The following PTPRD variants were observed in gnomAD, a reference collection of about 807,000 sequenced individuals.
PTPRD encodes the protein protein tyrosine phosphatase receptor type D, also known as receptor-type tyrosine-protein phosphatase delta.
PTPRD carries 34 observed loss-of-function variants against 214.5 expected under a neutral mutation model. The observed-to-expected ratio is 0.16, with a 90% CI of 0.12 to 0.21. The LOEUF (loss-of-function observed/expected upper bound fraction) is 0.21. PTPRD is among the 10% of genes least tolerant of loss of function. The pLI, the probability that PTPRD is intolerant of heterozygous loss-of-function variation, is 1.00. For synonymous variants in PTPRD, 1,128 were observed against 845.7 expected, an observed-to-expected ratio of 1.33 and a Z score of -5.79; for missense variants, 2,545 against 2,398.7, an observed-to-expected ratio of 1.06 and a Z score of -1.27.
At chr9:10,335,289 A>C (rs1308088239) in intron 3 of PTPRD, among the ~76,000 whole-genome samples, 2 of 151,778 alleles carry the variant, frequency 1.3e-5, no homozygotes, top group Non-Finnish European at 2.9e-5. Context: ...TCACATAAAC[A>C]TAGTCAACTG....
chr9:10,196,817 G>A lies in PTPRD; in HGVS notation c.-545+144146C>T, dbSNP rs2099400195. 1.4e-5 allele frequency among the ~76,000 whole-genome samples: 2 copies of A among 140,616 alleles called. 1 individual carries two copies. Among genetic ancestry groups the A allele is most frequent in the African/African-American group, 5.6e-5 (2 of 36,014 alleles). The allele number at this position is 140,616 out of a possible 152,430, so 92.2% of individuals were successfully genotyped here. A position where few individuals can be genotyped will look rare whatever the true frequency, so the allele number is the denominator to read the frequency against. On this transcript the variant is annotated intron_variant, in intron 3 of 45. Coordinates refer to ENST00000381196, the MANE Select transcript of PTPRD (RefSeq NM_002839.4). ...TGTAAAGTGATAGTGTTCAGAAGTG[G>A]GGCTCTTAGGAAGTGATTAGGCCAC...
Position 9,127,440 on chromosome 9 carries a change from T to A in PTPRD, c.-143+55864A>T, listed in dbSNP as rs548804826. Among the ~76,000 whole-genome samples, 7 of 152,304 alleles carry A rather than the reference T, an allele frequency of 4.6e-5. No homozygotes were observed. The East Asian group carries it at 1.2e-3, about 25-fold the overall frequency. On this transcript the variant is annotated intron_variant, in intron 10 of 45. Transcript: ENST00000381196. The stretch of plus-strand genomic sequence containing the variant: ...AAGAGAAATGAATTGATATAAAATA[T>A]ACTGGGAAGCTATAACTGACAAGAC...
intron 35 of PTPRD, among the ~76,000 whole-genome samples, chr9:8,434,513 G>T (rs764454619): frequency 2.0e-5 from 3 of 152,104 alleles, no homozygotes; most frequent in Non-Finnish European, 4.4e-5. Flanking sequence ...GTCATCAAGT[G>T]GTGCATGACT....
At chr9:9,365,615 T>A (rs935817987) in intron 9 of PTPRD, among the ~76,000 whole-genome samples, 1 of 151,534 alleles carries the variant, frequency 6.6e-6, no homozygotes, top group Non-Finnish European at 1.5e-5. Context: ...AAATACATTA[T>A]AATCAAAAGC....
intron 11 of PTPRD, among the ~76,000 whole-genome samples, chr9:8,904,419 T>A (rs2098693293): frequency 6.6e-6 from 1 of 152,164 alleles, no homozygotes; most frequent in Non-Finnish European, 1.5e-5. Context: ...TGCCTTTAAT[T>A]CAAGCATTTT....
rs1441782252 is a variant in PTPRD, at chr9:10,097,774, T to C, written c.-544-63984A>G. Among the ~76,000 whole-genome samples the C allele has an allele frequency of 2.6e-5, 4 of 151,942 alleles. No homozygotes were observed. The South Asian group carries it at 8.3e-4, about 31-fold the overall frequency. ...GCCCTGGCCAGAACTTCCAACACTA[T>C]GTTGAATAGGAGTGGTGAGAGAGGG... On this transcript the variant is annotated intron_variant, in intron 3 of 45. Coordinates refer to ENST00000381196, the MANE Select transcript of PTPRD (RefSeq NM_002839.4).
At chr9:8,330,402 T>C (rs1308783600) in intron 44 of PTPRD, among the ~76,000 whole-genome samples, 2 of 152,184 alleles carry the variant, frequency 1.3e-5, no homozygotes, top group African/African-American at 4.8e-5. Flanking sequence ...TAAACACAAC[T>C]TTTATATGCA....
rs2094299456 is a variant in PTPRD at position 9,467,615 on chromosome 9, A to G, written c.-236-70133T>C. On this transcript the variant is annotated intron_variant, in intron 8 of 45. Coordinates refer to ENST00000381196, the MANE Select transcript of PTPRD (RefSeq NM_002839.4). ...AAAAAAAAAAAAAAAAAAAAAGTTG[A>G]GCAGAAATGACCGCATCTCTTATCT... Among the ~76,000 whole-genome samples the G allele has an allele frequency of 2.8e-5, 4 of 145,204 alleles. No homozygotes were observed. The South Asian group carries it at 8.7e-4, about 31-fold the overall frequency.
chr9:8,775,275 C>T (rs111576430), intron 11 of PTPRD, among the ~76,000 whole-genome samples: 2 of 152,282 alleles, frequency 1.3e-5, no homozygotes, highest in East Asian at 3.9e-4. Flanking sequence ...TGTTTACTTT[C>T]TCAGCAAGAA....
At chr9:9,562,331 C>G (rs1204944428) in intron 8 of PTPRD, among the ~76,000 whole-genome samples, 2 of 152,176 alleles carry the variant, frequency 1.3e-5, no homozygotes, top group Non-Finnish European at 2.9e-5. Context: ...TCCTCTGCCA[C>G]TATTCTGGAT....
intron 2 of PTPRD, among the ~76,000 whole-genome samples, chr9:10,537,869 C>T (rs1013912357): frequency 6.6e-6 from 1 of 152,086 alleles, no homozygotes; most frequent in African/African-American, 2.4e-5. Flanking sequence ...GATCAGCACC[C>T]TTATAGTGTA....
intron 3 of PTPRD, among the ~76,000 whole-genome samples, chr9:10,161,437 C>G (rs1390508226): frequency 6.6e-6 from 1 of 151,692 alleles, no homozygotes; most frequent in Non-Finnish European, 1.5e-5. Flanking sequence ...GTACCAAGAA[C>G]TTACAGGGGA....
At chr9:9,570,787 C>A (rs1319776495) in intron 8 of PTPRD, among the ~76,000 whole-genome samples, 1 of 151,370 alleles carries the variant, frequency 6.6e-6, no homozygotes, top group Admixed American at 6.6e-5. Flanking sequence ...GGCAAGAAAG[C>A]AGAAAGAAAA....
rs1033397905 is a variant in PTPRD, at chr9:10,042,813, G to T, written c.-544-9023C>A. On this transcript the variant is annotated intron_variant, in intron 3 of 45. Transcript: ENST00000381196. ...AATCTAAATGACAAGTAATTATCCAGAATTTTAAAAATCTTGACAATAATT... is the reference window on the plus strand; with the variant it reads ...AATCTAAATGACAAGTAATTATCCATAATTTTAAAAATCTTGACAATAATT... 4.6e-5 allele frequency among the ~76,000 whole-genome samples: 7 copies of T among 151,860 alleles called. No individual in the cohort carries two copies. The South Asian group carries it at 1.2e-3, about 27-fold the overall frequency.
intron 9 of PTPRD, among the ~76,000 whole-genome samples, chr9:9,267,628 C>A (rs10816078): frequency 6.6e-6 from 1 of 150,936 alleles, no homozygotes; most frequent in African/African-American, 2.4e-5. Context: ...AAAAAATTCT[C>A]AAAAATTACC....
Position 8,764,009 on chromosome 9 carries a change from A to T in PTPRD, c.-103-30063T>A, listed in dbSNP as rs2094559761. Among the ~76,000 whole-genome samples, 3 of 152,166 alleles carry T rather than the reference A, an allele frequency of 2.0e-5. No homozygotes were observed. The South Asian group carries it at 6.2e-4, about 31-fold the overall frequency. Reference sequence around the variant, plus strand: ...AGAGTTCATTAAAAATTATTGAGGGATTGTTTCTTAATAATGAAATGCAAA... The same window carrying T: ...AGAGTTCATTAAAAATTATTGAGGGTTTGTTTCTTAATAATGAAATGCAAA... On this transcript the variant is annotated intron_variant, in intron 11 of 45. Transcript: ENST00000381196.
intron 7 of PTPRD, among the ~76,000 whole-genome samples, chr9:9,601,846 C>A (rs1306940481): frequency 6.6e-6 from 1 of 151,862 alleles, no homozygotes; most frequent in Non-Finnish European, 1.5e-5. Context: ...GGTGAGAAGT[C>A]TATGAAAAAC....
chr9:9,043,900 T>A (rs941649296), intron 10 of PTPRD, among the ~76,000 whole-genome samples: 2 of 139,932 alleles, frequency 1.4e-5, no homozygotes, highest in African/African-American at 2.8e-5. Context: ...TGAGACCCTG[T>A]CTCAAAAATA....
intron 2 of PTPRD, among the ~76,000 whole-genome samples, chr9:10,458,948 A>G (rs1034133461): frequency 1.3e-5 from 2 of 152,056 alleles, no homozygotes; most frequent in African/African-American, 4.8e-5. Flanking sequence ...TGTGCAGAAC[A>G]TGGAGGTTTG....
Sources: gnomAD v4.1 joint callset for allele counts (sites outside exome capture counted in the v4.1 genomes callset) on GRCh38, gnomAD v4.1.1 for gene constraint, MANE v1.5 for transcripts, NCBI Gene and HGNC (gene_info 2026-07-23, HGNC 2026-07-21) for gene names.